Variants in C4orf51 observed in about 807,000 individuals in gnomAD.
The protein encoded by C4orf51 is uncharacterized protein C4orf51.
A neutral mutation model predicts 25.2 loss-of-function variants in C4orf51; 25 were observed. That is an observed-to-expected ratio of 0.99 (90% CI 0.72 to 1.39). C4orf51 has a LOEUF of 1.39. Ranked by LOEUF, C4orf51 falls within the 40% of genes most tolerant of loss-of-function variation. C4orf51 has a pLI of 0.00. For missense variants in C4orf51, 252 were observed against 239.6 expected, an observed-to-expected ratio of 1.05 and a Z score of -0.34; for synonymous variants, 100 against 84.5, an observed-to-expected ratio of 1.18 and a Z score of -1.01.
rs181156066 is a variant in C4orf51, at chr4:145,753,706, G to A, written n.168-501G>A. Among the ~76,000 whole-genome samples, 12 of 152,154 alleles carry A rather than the reference G, an allele frequency of 7.9e-5. No homozygotes were observed. The East Asian group carries it at 2.3e-3, about 29-fold the overall frequency. ...AGAGCCACTGGGATGCCTTTTGCTTGGGCTTGAGGCTGCCTGCAGAGGCCT... is the reference window on the plus strand; with the variant it reads ...AGAGCCACTGGGATGCCTTTTGCTTAGGCTTGAGGCTGCCTGCAGAGGCCT... On this transcript the variant is annotated intron_variant and non_coding_transcript_variant, in intron 1 of 1. Transcript: ENST00000508981.
intron 1 of C4orf51, among the ~76,000 whole-genome samples, chr4:145,683,890 A>C (rs1282103215): frequency 6.6e-6 from 1 of 152,246 alleles, no homozygotes; most frequent in Admixed American, 6.5e-5. Flanking sequence ...CAAAGAAATA[A>C]TGGATAAGCT....
At chr4:145,703,290 T>C (rs1037744363) in intron 2 of C4orf51, among the ~76,000 whole-genome samples, 26 of 151,896 alleles carry the variant, frequency 1.7e-4, no homozygotes, top group African/African-American at 6.0e-4. Context: ...GCACCCCCAC[T>C]GAGCACCTTG....
chr4:145,718,819 C>T (rs551663477), intron 2 of C4orf51, among the ~76,000 whole-genome samples: 27 of 152,314 alleles, frequency 1.8e-4, no homozygotes, highest in African/African-American at 6.3e-4. Context: ...AAGCTATTTC[C>T]CACCTCAGGA....
chr4:145,775,913 G>A (rs760886857), downstream of C4orf51: 7 of 1,614,140 alleles, frequency 4.3e-6, no homozygotes, highest in South Asian at 2.2e-5. Flanking sequence ...AGATTTGCAC[G>A]GCACTTAGCA....
chr4:145,750,886 C>T (rs953547430), intron 1 of C4orf51, among the ~76,000 whole-genome samples: 5 of 152,038 alleles, frequency 3.3e-5, no homozygotes, highest in Non-Finnish European at 7.4e-5. Context: ...ACCCTGTCTT[C>T]AAGGTCAACA....
At chr4:145,714,504 G>C (rs537631356) in intron 2 of C4orf51, among the ~76,000 whole-genome samples, 14 of 152,014 alleles carry the variant, frequency 9.2e-5, no homozygotes, top group Non-Finnish European at 2.1e-4. Context: ...TACATATTCC[G>C]TTTGTTTTTT....
intron 2 of C4orf51, among the ~76,000 whole-genome samples, chr4:145,706,732 CTCA>C (rs1730832052): frequency 6.6e-6 from 1 of 152,044 alleles, no homozygotes; most frequent in Admixed American, 6.5e-5. Context: ...GTTCCGCCTC[CTCA>C]GTTCATGCCA....
chr4:145,786,857 C>T, the C4orf51 span, among the ~76,000 whole-genome samples: 178 of 152,360 alleles, frequency 1.2e-3, 1 homozygote, highest in African/African-American at 4.1e-3. Context: ...TACTTGCCAA[C>T]ATCTACCGTT....
the C4orf51 span, among the ~76,000 whole-genome samples, chr4:145,785,300 G>T: frequency 1.3e-5 from 2 of 152,142 alleles, no homozygotes; most frequent in Middle Eastern, 3.2e-3. Flanking sequence ...AGTTATTCAA[G>T]GGGACATGTC....
rs1275445764 is a variant in C4orf51 at position 145,765,039 on chromosome 4, T to C, written n.167-5949T>C. On this transcript the variant is annotated intron_variant and non_coding_transcript_variant, in intron 1 of 1. Transcript: ENST00000510096. This position sits in a 1 kb window ranked among gnomAD's most constrained non-coding sequence, Gnocchi z 4.7. ...GCATTTCTTATGCTCCAGCAGCTGTTCGGGGGTCTTCATGAACTTGTGGCA... is the reference window on the plus strand; with the variant it reads ...GCATTTCTTATGCTCCAGCAGCTGTCCGGGGGTCTTCATGAACTTGTGGCA... 1.2e-6 allele frequency: 2 copies of C among 1,614,076 alleles called. No homozygotes were observed. Among genetic ancestry groups the C allele is most frequent in the Non-Finnish European group, 1.7e-6 (2 of 1,180,032 alleles).
downstream of C4orf51, among the ~76,000 whole-genome samples, chr4:145,771,599 A>C (rs969919198): frequency 6.6e-6 from 1 of 152,222 alleles, no homozygotes; most frequent in Admixed American, 6.5e-5. Context: ...GACGCCAGAC[A>C]GTGGGAGAAA....
At chr4:145,733,253 T>TC (rs2126779468), downstream of C4orf51, among the ~76,000 whole-genome samples, 1 of 150,992 alleles carries the variant, frequency 6.6e-6, no homozygotes, top group African/African-American at 2.4e-5. Context: ...CCACCTCTTC[T>TC]CCCCCACGAT....
At chr4:145,722,523 A>C (rs1287016616) in intron 2 of C4orf51, among the ~76,000 whole-genome samples, 1 of 152,218 alleles carries the variant, frequency 6.6e-6, no homozygotes, top group Non-Finnish European at 1.5e-5. Context: ...TGAATGACTT[A>C]TTCTTAAAAA....
chr4:145,726,666 C>G (rs905603978), intron 2 of C4orf51, among the ~76,000 whole-genome samples: 2 of 152,164 alleles, frequency 1.3e-5, no homozygotes, highest in Admixed American at 6.5e-5. Flanking sequence ...CTTGATCTGC[C>G]AAAGTGCTGG....
At chr4:145,779,559 C>T in the C4orf51 span, 5 of 1,592,320 alleles carry the variant, frequency 3.1e-6, no homozygotes, top group African/African-American at 2.7e-5. Flanking sequence ...AACAAGAATA[C>T]ATTTTCTGTT....
intron 1 of C4orf51, among the ~76,000 whole-genome samples, chr4:145,767,802 C>A (rs1352463734): frequency 2.0e-5 from 3 of 152,064 alleles, no homozygotes; most frequent in African/African-American, 7.2e-5. Context: ...CAAAAGCTCA[C>A]ATTAAAACAA....
Position 145,680,385 on chromosome 4 carries a change from T to C in C4orf51, c.182T>C (p.Met61Thr). The C allele has an allele frequency of 1.1e-5, 18 of 1,613,962 alleles. No homozygotes were observed. Among genetic ancestry groups the C allele is most frequent in the Admixed American group, 1.7e-5 (1 of 60,018 alleles). The change falls in exon 1 of 6, where the codon ATG becomes ACG. Residue 61 changes from methionine (M) to threonine (T), a missense_variant. Transcript: ENST00000438731. Reference protein sequence around the residue: ...SYRKKQLDKSMCSQFSFRAGQ... With the variant: ...SYRKKQLDKSTCSQFSFRAGQ... ...CGGAAAAAACAACTGGACAAGTCCA[T>C]GTGCAGCCAATTTTCTTTTAGAGCA...
intron 2 of C4orf51, among the ~76,000 whole-genome samples, chr4:145,724,880 C>CAAAAAAAAAAAAA (rs1222983724): frequency 2.3e-4 from 16 of 68,284 alleles, no homozygotes; most frequent in African/African-American, 6.8e-4. Flanking sequence ...AAGACTGTCT[C>CAAAAAAAAAAAAA]AAAAAAAAAA....
chr4:145,773,550 G>A (rs1736600904), downstream of C4orf51, among the ~76,000 whole-genome samples: 1 of 152,194 alleles, frequency 6.6e-6, no homozygotes, highest in African/African-American at 2.4e-5. Flanking sequence ...TGTAAGCCCC[G>A]CAAATGCAGA....
Sources: gnomAD v4.1 joint callset for allele counts (sites outside exome capture counted in the v4.1 genomes callset) on GRCh38, gnomAD v4.1.1 for gene constraint, Gnocchi (gnomAD v3.1) non-coding constraint, MANE v1.5 for transcripts, NCBI Gene and HGNC (gene_info 2026-07-23, HGNC 2026-07-21) for gene names.